UTP4: variants seen among roughly 807,000 people sequenced by gnomAD.
The protein encoded by UTP4 is UTP4 small subunit processome component.
In UTP4, 45 loss-of-function variants were observed where a neutral mutation model predicts 82.4. The ratio of observed to expected loss-of-function variants is 0.55; its 90% confidence interval spans 0.43 to 0.70. The LOEUF (loss-of-function observed/expected upper bound fraction) is 0.70, where lower values mean the gene tolerates loss of function less well. Among genes scored for constraint, UTP4 ranks in the 30% least tolerant of loss-of-function variants. The pLI, the probability that UTP4 is intolerant of heterozygous loss-of-function variation, is 0.00. For synonymous variants in UTP4, 348 were observed against 300.3 expected, an observed-to-expected ratio of 1.16 and a Z score of -1.64; for missense variants, 819 against 858.3, an observed-to-expected ratio of 0.95 and a Z score of 0.57.
At chr16:69,165,698 C>G in intron 15 of UTP4, 172 bp downstream of exon 15, 2 of 699,774 alleles carry the variant, frequency 2.9e-6, no homozygotes, top group Non-Finnish European at 5.1e-6. Flanking sequence ...TACAGATTCC[C>G]TGGTTTGTGT....
chr16:69,156,154 C>CTTTTTTTTTTTT (rs36043898), intron 11 of UTP4, among the ~76,000 whole-genome samples, 161 bp downstream of exon 11: 1 of 130,474 alleles, frequency 7.7e-6, no homozygotes, highest in African/African-American at 2.9e-5. Context: ...TTCTTTCTTT[C>CTTTTTTTTTTTT]TTTTTTTTTT....
rs188107224 is a variant in UTP4, at chr16:69,148,339, C to T, written c.739-2198C>T. Among the ~76,000 whole-genome samples, 756 of 150,182 alleles carry T rather than the reference C, an allele frequency of 5.0e-3. 3 individuals are homozygous for T. The highest frequency in any genetic ancestry group is 0.018 in the African/African-American group (731 of 40,934). On this transcript the variant is annotated intron_variant, in intron 6 of 16. Transcript: ENST00000314423. ...GTCTAACCCCTGACTTCAAGTGATC[C>T]GCCCGCCTCGGCTTCCCAAAGTGTT...
At chr16:69,138,570 A>G (rs1191669177) in intron 4 of UTP4, among the ~76,000 whole-genome samples, 1 of 152,192 alleles carries the variant, frequency 6.6e-6, no homozygotes, top group Non-Finnish European at 1.5e-5. Flanking sequence ...CTTCTGGTGC[A>G]TTCAAGTTGA....
At chr16:69,145,784 G>A (rs1385424684) in intron 6 of UTP4, among the ~76,000 whole-genome samples, 1 of 152,072 alleles carries the variant, frequency 6.6e-6, no homozygotes, top group Non-Finnish European at 1.5e-5. Flanking sequence ...AAGAGAGTTG[G>A]CATAAGGTTA....
intron 8 of UTP4, 94 bp downstream of exon 8, chr16:69,150,998 A>G (rs1048210132): frequency 1.0e-5 from 10 of 966,936 alleles, no homozygotes; most frequent in Non-Finnish European, 1.6e-5. Context: ...ACGCTCGGCA[A>G]ATTTGTAGGA....
intron 4 of UTP4, among the ~76,000 whole-genome samples, chr16:69,138,722 T>A (rs1962877109): frequency 6.6e-6 from 1 of 152,230 alleles, no homozygotes; most frequent in South Asian, 2.1e-4. Flanking sequence ...ACCTACATTG[T>A]CTGCCAACTC....
chr16:69,143,691 G>A (rs1038281751), intron 6 of UTP4, among the ~76,000 whole-genome samples: 1 of 152,140 alleles, frequency 6.6e-6, no homozygotes, highest in African/African-American at 2.4e-5. Context: ...ATCTGGAGAA[G>A]CGCTATGTTT....
intron 8 of UTP4, among the ~76,000 whole-genome samples, chr16:69,152,572 C>T (rs192169976): frequency 1.9e-4 from 28 of 148,204 alleles, no homozygotes; most frequent in African/African-American, 7.0e-4. Context: ...TGGGTTCAAG[C>T]GATTCTCCTG....
At chr16:69,164,111 C>T (rs901339298) in intron 14 of UTP4, among the ~76,000 whole-genome samples, 27 of 152,014 alleles carry the variant, frequency 1.8e-4, no homozygotes, top group Non-Finnish European at 3.1e-4. Context: ...GTCTCGATCT[C>T]CTGACCTTGT....
intron 6 of UTP4, among the ~76,000 whole-genome samples, chr16:69,147,275 G>C (rs533340540): frequency 1.3e-5 from 2 of 151,598 alleles, no homozygotes; most frequent in African/African-American, 2.4e-5. Flanking sequence ...AGGCCGATGC[G>C]GGTGGATTGG....
intron 14 of UTP4, among the ~76,000 whole-genome samples, chr16:69,164,586 T>TTATATATATATATATATATATATATA (rs58927210): frequency 7.5e-5 from 10 of 132,510 alleles, no homozygotes; most frequent in African/African-American, 2.8e-4. Flanking sequence ...TAATCATTCT[T>TTATATATATATATATATATATATATA]TATATATATA....
At chr16:69,138,653 A>G (rs1043334922) in intron 4 of UTP4, among the ~76,000 whole-genome samples, 1 of 152,220 alleles carries the variant, frequency 6.6e-6, no homozygotes, top group African/African-American at 2.4e-5. Flanking sequence ...CCTTTAGAAC[A>G]GGGGTTGGCA....
At chr16:69,157,935 A>G (rs1362440541) in intron 12 of UTP4, among the ~76,000 whole-genome samples, 1 of 140,554 alleles carries the variant, frequency 7.1e-6, no homozygotes, top group African/African-American at 2.6e-5. Flanking sequence ...CTGTGTTCAT[A>G]TAATGTTCCT....
At chr16:69,163,884 G>GTTTTT (rs1216606701) in intron 14 of UTP4, among the ~76,000 whole-genome samples, 7 of 126,236 alleles carry the variant, frequency 5.5e-5, no homozygotes, top group Non-Finnish European at 1.0e-4. Context: ...TGGTCAGTTT[G>GTTTTT]TTTTTTTTTT....
At chr16:69,146,198 T>C (rs1292558341) in intron 6 of UTP4, among the ~76,000 whole-genome samples, 1 of 152,172 alleles carries the variant, frequency 6.6e-6, no homozygotes, top group Non-Finnish European at 1.5e-5. Flanking sequence ...ATTTTAAAAG[T>C]GTACATTTCA....
intron 1 of UTP4, chr16:69,133,149 G>A (rs1381809936): frequency 2.6e-6 from 1 of 384,538 alleles, no homozygotes; most frequent in Non-Finnish European, 4.9e-6. Flanking sequence ...TGCAAACTTA[G>A]CAATAGAGTT....
In UTP4 at chr16:69,168,946, ACTGT is replaced by A. The variant is rs748173663; in HGVS notation, c.*14_*17del. The A allele has an allele frequency of 4.0e-6, 6 of 1,508,508 alleles. No homozygotes were observed. The highest frequency in any genetic ancestry group is 2.3e-5 in the East Asian group (1 of 44,376). The allele number at this position is 1,508,508 out of a possible 1,614,324, so 93.4% of individuals were successfully genotyped here. On this transcript the variant is annotated 3_prime_UTR_variant, in exon 17 of 17. Coordinates refer to ENST00000314423, the MANE Select transcript of UTP4 (RefSeq NM_032830.3). ...AGAAATTTGGAACCTAAAACAGGGCACTGTCTGTGTCCTTCCTTGAACTGTCTAC... is the reference window on the plus strand; with the variant it reads ...AGAAATTTGGAACCTAAAACAGGGCACTGTGTCCTTCCTTGAACTGTCTAC...
At chr16:69,151,009 CTTTTT>C in intron 8 of UTP4, 105 bp downstream of exon 8, 2 of 706,444 alleles carry the variant, frequency 2.8e-6, no homozygotes, top group Non-Finnish European at 4.8e-6. Context: ...ATTTGTAGGA[CTTTTT>C]TTTTTTTTTT....
At chr16:69,140,123 T>G (rs2152277386) in intron 5 of UTP4, among the ~76,000 whole-genome samples, 1 of 152,344 alleles carries the variant, frequency 6.6e-6, no homozygotes, top group African/African-American at 2.4e-5. Flanking sequence ...TAAGATATAG[T>G]ATTTTTCATT....
Sources: gnomAD v4.1 joint callset for allele counts (sites outside exome capture counted in the v4.1 genomes callset) on GRCh38, gnomAD v4.1.1 for gene constraint, MANE v1.5 for transcripts, NCBI Gene and HGNC (gene_info 2026-07-23, HGNC 2026-07-21) for gene names.